Variants in LRRC4C observed in about 807,000 individuals in gnomAD.
LRRC4C encodes leucine-rich repeat-containing protein 4C.
A neutral mutation model predicts 33.6 loss-of-function variants in LRRC4C; 5 were observed. That is an observed-to-expected ratio of 0.15 (90% CI 0.08 to 0.31). The LOEUF (loss-of-function observed/expected upper bound fraction) is 0.31, where lower values mean the gene tolerates loss of function less well. LRRC4C is among the 10% of genes least tolerant of loss of function. The probability of loss-of-function intolerance (pLI) is 1.00; values close to 1 mark genes in which losing one functional copy is unlikely to be tolerated. For missense variants in LRRC4C, 560 were observed against 796.7 expected, an observed-to-expected ratio of 0.70 and a Z score of 3.58; for synonymous variants, 329 against 302.0, an observed-to-expected ratio of 1.09 and a Z score of -0.93.
At chr11:40,315,413 A>G (rs553184772) in intron 4 of LRRC4C, among the ~76,000 whole-genome samples, 23 of 152,012 alleles carry the variant, frequency 1.5e-4, no homozygotes, top group Admixed American at 3.9e-4. Context: ...TTACCCTCAT[A>G]TAATACTATT....
chr11:40,251,807 T>G (rs1447392339), intron 4 of LRRC4C, among the ~76,000 whole-genome samples: 2 of 152,170 alleles, frequency 1.3e-5, no homozygotes, highest in African/African-American at 4.8e-5. Context: ...AGTCATTTCC[T>G]GGGATTCTCA....
At chr11:41,239,359 T>C (rs1948158969) in intron 1 of LRRC4C, among the ~76,000 whole-genome samples, 2 of 147,780 alleles carry the variant, frequency 1.4e-5, no homozygotes, top group South Asian at 2.2e-4. Context: ...TCCTCCACAG[T>C]ATTTTCCTAT....
chr11:41,354,080 T>A (rs976103079), intron 1 of LRRC4C, among the ~76,000 whole-genome samples: 1 of 152,084 alleles, frequency 6.6e-6, no homozygotes, highest in African/African-American at 2.4e-5. Context: ...AAGACTAAGT[T>A]AAATTCTCTC....
At chr11:41,141,668 C>A (rs886888969) in intron 1 of LRRC4C, among the ~76,000 whole-genome samples, 3 of 152,010 alleles carry the variant, frequency 2.0e-5, no homozygotes, top group African/African-American at 7.2e-5. Context: ...CTGGCATTTC[C>A]CCTGCTGGCA....
intron 1 of LRRC4C, among the ~76,000 whole-genome samples, chr11:41,028,132 A>G (rs1319529175): frequency 6.6e-6 from 1 of 151,542 alleles, no homozygotes; most frequent in Non-Finnish European, 1.5e-5. Flanking sequence ...CCCTCTAGAA[A>G]TGTCATTCTT....
chr11:40,659,376 A>T (rs1470490449), intron 2 of LRRC4C, among the ~76,000 whole-genome samples: 10 of 152,110 alleles, frequency 6.6e-5, no homozygotes, highest in Non-Finnish European at 1.3e-4. Context: ...GGCAGAAAGG[A>T]GGGGGTCCCT....
intron 2 of LRRC4C, among the ~76,000 whole-genome samples, chr11:40,863,045 A>T (rs563365516): frequency 2.0e-5 from 3 of 152,228 alleles, no homozygotes; most frequent in Non-Finnish European, 4.4e-5. Context: ...AGATGCAAGC[A>T]CTGAAGGTTA....
chr11:40,911,537 C>T (rs1458934109), intron 2 of LRRC4C, among the ~76,000 whole-genome samples: 2 of 152,082 alleles, frequency 1.3e-5, no homozygotes, highest in Non-Finnish European at 2.9e-5. Flanking sequence ...ACACCAAAAC[C>T]CCATCTGTAC....
intron 2 of LRRC4C, among the ~76,000 whole-genome samples, chr11:40,836,391 T>C (rs976831059): frequency 6.6e-6 from 1 of 152,158 alleles, no homozygotes; most frequent in Non-Finnish European, 1.5e-5. Context: ...ACTTAGATGT[T>C]AAGTATATCA....
intron 1 of LRRC4C, among the ~76,000 whole-genome samples, chr11:41,133,961 T>C (rs1405835213): frequency 3.3e-5 from 5 of 152,202 alleles, no homozygotes; most frequent in African/African-American, 9.7e-5. Flanking sequence ...CTGTAACTCC[T>C]GCCTTCCTGA....
intron 3 of LRRC4C, among the ~76,000 whole-genome samples, chr11:40,448,148 G>A (rs909955227): frequency 6.6e-6 from 1 of 152,072 alleles, no homozygotes; most frequent in Admixed American, 6.6e-5. Flanking sequence ...TATTACCATT[G>A]CAGTTCCACA....
At chr11:40,216,905 A>C (rs1864019675) in intron 5 of LRRC4C, among the ~76,000 whole-genome samples, 1 of 152,142 alleles carries the variant, frequency 6.6e-6, no homozygotes, top group Admixed American at 6.6e-5. Flanking sequence ...AGAGAGCAGC[A>C]ATCACAGAGC....
chr11:40,194,139 C>G (rs1862062698), intron 5 of LRRC4C, among the ~76,000 whole-genome samples: 1 of 152,050 alleles, frequency 6.6e-6, no homozygotes, highest in South Asian at 2.1e-4. Flanking sequence ...AATGGCAACC[C>G]CAAGGCACAT....
At chr11:40,892,818 T>A (rs1592012735) in intron 2 of LRRC4C, among the ~76,000 whole-genome samples, 1 of 151,882 alleles carries the variant, frequency 6.6e-6, no homozygotes, top group Non-Finnish European at 1.5e-5. Flanking sequence ...GAGTACAGAG[T>A]TTTTGTTGGG....
rs533629642 is a variant in LRRC4C, at chr11:41,430,916, T to C, written c.-496+28515A>G. ...ATATGGAATTTACATGAGGAATACA[T>C]TCTGATAGATAAAGTAATACACAAA... On this transcript the variant is annotated intron_variant, in intron 1 of 6. Coordinates refer to ENST00000528697, the MANE Select transcript of LRRC4C (RefSeq NM_001258419.2). Among the ~76,000 whole-genome samples, 233 of 152,192 alleles carry C rather than the reference T, an allele frequency of 1.5e-3. 1 individual carries two copies. Among genetic ancestry groups the C allele is most frequent in the African/African-American group, 5.3e-3 (221 of 41,548 alleles).
At chr11:41,391,231 A>G (rs926632510) in intron 1 of LRRC4C, among the ~76,000 whole-genome samples, 8 of 150,974 alleles carry the variant, frequency 5.3e-5, no homozygotes, top group African/African-American at 2.0e-4. Context: ...AGTAAGTCCA[A>G]AGTGAATGGA....
chr11:41,436,904 A>AT (rs752754336), intron 1 of LRRC4C, among the ~76,000 whole-genome samples: 27 of 152,230 alleles, frequency 1.8e-4, no homozygotes, highest in Non-Finnish European at 3.2e-4. Context: ...AATCACCAAT[A>AT]TTTTTCCTAC....
chr11:41,265,751 A>C (rs1949127596), intron 1 of LRRC4C, among the ~76,000 whole-genome samples: 1 of 152,098 alleles, frequency 6.6e-6, no homozygotes, highest in Admixed American at 6.6e-5. Context: ...CTGAGTTACA[A>C]TTACAGCTAG....
At chr11:41,246,175 G>C (rs1948444606) in intron 1 of LRRC4C, among the ~76,000 whole-genome samples, 1 of 152,184 alleles carries the variant, frequency 6.6e-6, no homozygotes, top group African/African-American at 2.4e-5. Flanking sequence ...CCTGCAGAGG[G>C]GGTGCCTGCA....
Sources: gnomAD v4.1 joint callset for allele counts (sites outside exome capture counted in the v4.1 genomes callset) on GRCh38, gnomAD v4.1.1 for gene constraint, MANE v1.5 for transcripts, NCBI Gene and HGNC (gene_info 2026-07-23, HGNC 2026-07-21) for gene names.